The following ATP8A1 variants were observed in gnomAD, a reference collection of about 807,000 sequenced individuals.
ATP8A1 encodes ATPase phospholipid transporting 8A1.
A neutral mutation model predicts 177.7 loss-of-function variants in ATP8A1; 90 were observed. That is an observed-to-expected ratio of 0.51 (90% confidence interval 0.43 to 0.60). The LOEUF (loss-of-function observed/expected upper bound fraction) is 0.60. Ranked by LOEUF, ATP8A1 falls within the 20% of genes least tolerant of loss-of-function variation. ATP8A1 has a pLI of 0.00. For missense variants in ATP8A1, 1,072 were observed against 1,392.8 expected, an observed-to-expected ratio of 0.77 and a Z score of 3.67; for synonymous variants, 493 against 485.9, an observed-to-expected ratio of 1.01 and a Z score of -0.19.
At chr4:42,414,761 G>A in intron 35 of ATP8A1, 43 bp from the exon 36 acceptor site, 2 of 1,486,514 alleles carry the variant, frequency 1.3e-6, no homozygotes, top group South Asian at 2.3e-5. Flanking sequence ...TATCAACTCG[G>A]CAGAGACCCC....
intron 35 of ATP8A1, among the ~76,000 whole-genome samples, chr4:42,420,229 A>G (rs1243431423): frequency 6.6e-6 from 1 of 152,134 alleles, no homozygotes; most frequent in Non-Finnish European, 1.5e-5. Flanking sequence ...ACCTGCCATC[A>G]AGCACGAAGC....
chr4:42,579,828 AC>A lies in ATP8A1; in HGVS notation c.984del (p.Trp328CysfsTer5). 1 of 1,613,568 alleles carries A rather than the reference AC, an allele frequency of 6.2e-7. No individual in the cohort carries two copies. Among genetic ancestry groups the A allele is most frequent in the Non-Finnish European group, 8.5e-7 (1 of 1,179,756 alleles). On this transcript the variant is annotated frameshift_variant, in exon 11 of 37. Transcript: ENST00000381668. LOFTEE classifies it high-confidence loss of function. ...TATTGCTTACAGTTTAGATTGAGAT[AC>A]CAGTCTTTTCCAGAATGCCTTCGAT... ...IWNRRHSGKD[W>X]YLNLNYGGAS... is the part of the protein sequence containing the mutation.
intron 6 of ATP8A1, among the ~76,000 whole-genome samples, chr4:42,599,855 C>A (rs1194226076): frequency 6.6e-6 from 1 of 152,136 alleles, no homozygotes; most frequent in Non-Finnish European, 1.5e-5. Context: ...GATTTTAAAC[C>A]TTCTTCCAGA....
At chr4:42,435,989 T>G (rs554369161) in intron 33 of ATP8A1, among the ~76,000 whole-genome samples, 7 of 152,282 alleles carry the variant, frequency 4.6e-5, no homozygotes, top group African/African-American at 1.7e-4. Flanking sequence ...CCCCCTCAAT[T>G]AGGCAATGGG....
In ATP8A1 at chr4:42,486,818, T is replaced by C. The variant is rs181823859; in HGVS notation, c.2152-1150A>G. ...TACAGTATTCAGTACAATAACAGGC[T>C]ATAAGGGCTTGTAGCCTAGGAGCAA... On this transcript the variant is annotated intron_variant, in intron 24 of 36. Coordinates refer to ENST00000381668, the MANE Select transcript of ATP8A1 (RefSeq NM_006095.2). Among the ~76,000 whole-genome samples the C allele has an allele frequency of 4.8e-3, 737 of 152,292 alleles. 5 individuals carry two copies. Among genetic ancestry groups the C allele is most frequent in the African/African-American group, 0.016 (673 of 41,540 alleles).
intron 5 of ATP8A1, among the ~76,000 whole-genome samples, chr4:42,603,064 T>A (rs532320999): frequency 1.8e-3 from 274 of 151,336 alleles, no homozygotes; most frequent in Non-Finnish European, 2.9e-3. Context: ...TAGTTTTTTT[T>A]AAAAAAAAAC....
At chr4:42,446,951 C>T (rs547658373) in intron 30 of ATP8A1, among the ~76,000 whole-genome samples, 1 of 151,756 alleles carries the variant, frequency 6.6e-6, no homozygotes, top group Non-Finnish European at 1.5e-5. Flanking sequence ...CATTCTGGAT[C>T]GTAATAAAGA....
rs115905734 is a variant in ATP8A1 at position 42,471,529 on chromosome 4, C to T, written c.2325-6453G>A. ...TCAGATAAGTAGTTTAAATAGGGAC[C>T]GTTTCTATTGATGGTGTGTATTTGA... On this transcript the variant is annotated intron_variant, in intron 25 of 36. Coordinates refer to ENST00000381668, the MANE Select transcript of ATP8A1 (RefSeq NM_006095.2). 8.0e-3 allele frequency among the ~76,000 whole-genome samples: 1,218 copies of T among 152,206 alleles called. 18 individuals are homozygous for T. The highest frequency in any genetic ancestry group is 0.028 in the African/African-American group (1,144 of 41,520).
chr4:42,481,548 C>T (rs544603033), intron 25 of ATP8A1, among the ~76,000 whole-genome samples: 2 of 152,324 alleles, frequency 1.3e-5, no homozygotes, highest in South Asian at 2.1e-4. Context: ...ACCAATTATA[C>T]AGACTGTAGG....
chr4:42,605,796 T>C (rs1298976057), intron 5 of ATP8A1, among the ~76,000 whole-genome samples: 1 of 152,234 alleles, frequency 6.6e-6, no homozygotes, highest in Non-Finnish European at 1.5e-5. Context: ...CAATTCATTA[T>C]TGGAGAAATA....
At chr4:42,607,573 T>C (rs2109421372) in intron 5 of ATP8A1, among the ~76,000 whole-genome samples, 1 of 151,814 alleles carries the variant, frequency 6.6e-6, no homozygotes, top group African/African-American at 2.4e-5. Context: ...GCCCAGCCTG[T>C]GATGAGCATT....
intron 13 of ATP8A1, 79 bp downstream of exon 13, chr4:42,575,543 G>T (rs144784681): frequency 2.7e-6 from 3 of 1,111,238 alleles, no homozygotes; most frequent in Middle Eastern, 2.0e-4. Context: ...CCATTCATCT[G>T]CAGTTATCAT....
chr4:42,470,898 C>T (rs1720326962), intron 25 of ATP8A1, among the ~76,000 whole-genome samples: 1 of 152,114 alleles, frequency 6.6e-6, no homozygotes, highest in Non-Finnish European at 1.5e-5. Context: ...TAAGATTTCT[C>T]CTGTGAATAT....
At chr4:42,580,639 G>C (rs999129029) in intron 10 of ATP8A1, among the ~76,000 whole-genome samples, 1 of 152,176 alleles carries the variant, frequency 6.6e-6, no homozygotes, top group African/African-American at 2.4e-5. Flanking sequence ...TTTATAAAAT[G>C]GCTAGTGGTG....
chr4:42,620,832 T>C (rs549425902), intron 4 of ATP8A1, among the ~76,000 whole-genome samples: 1 of 152,322 alleles, frequency 6.6e-6, no homozygotes, highest in South Asian at 2.1e-4. Context: ...GAGCACTGGA[T>C]AGGACGGAAT....
At chr4:42,480,774 GAAGTC>G (rs1346450679) in intron 25 of ATP8A1, among the ~76,000 whole-genome samples, 1 of 152,186 alleles carries the variant, frequency 6.6e-6, no homozygotes, top group African/African-American at 2.4e-5. Context: ...AACACTCACT[GAAGTC>G]AAGTGTTTTT....
intron 1 of ATP8A1, among the ~76,000 whole-genome samples, chr4:42,650,214 A>G (rs1230590514): frequency 6.6e-6 from 1 of 152,262 alleles, no homozygotes; most frequent in Non-Finnish European, 1.5e-5. Flanking sequence ...TAGAAAACCT[A>G]AAATAATCAG....
Position 42,455,353 on chromosome 4 carries a change from ACATGT to A in ATP8A1, c.2756_2760del (p.Asn919IlefsTer5), listed in dbSNP as rs748061806. The A allele has an allele frequency of 6.2e-7, 1 of 1,613,958 alleles. No individual in the cohort carries two copies. Among genetic ancestry groups the A allele is most frequent in the Non-Finnish European group, 8.5e-7 (1 of 1,179,828 alleles). On this transcript the variant is annotated frameshift_variant, in exon 29 of 37. Transcript: ENST00000381668. LOFTEE classifies it high-confidence loss of function. ...GTTTTGTATAATTCAGGGTACTTCA[ACATGT>A]TCTCTTTTCTGCATGATCTCTCAAA...
In ATP8A1 at chr4:42,569,193, T is replaced by C. The variant is rs1470628480; in HGVS notation, c.1308A>G (p.Glu436=). 1.2e-6 allele frequency: 2 copies of C among 1,606,996 alleles called. No individual in the cohort carries two copies. Among genetic ancestry groups the C allele is most frequent in the South Asian group, 1.1e-5 (1 of 90,186 alleles). The change falls in exon 15 of 37, where the codon GAA becomes GAG. Residue 436 remains glutamate (E), a synonymous_variant. Coordinates refer to ENST00000381668, the MANE Select transcript of ATP8A1 (RefSeq NM_006095.2). Reference sequence around the variant, plus strand: ...CAGGAGAGCAGCCATAATCCTCAGGTTCAGGGACATGGCTTCAGAAAGCAA... The same window carrying C: ...CAGGAGAGCAGCCATAATCCTCAGGCTCAGGGACATGGCTTCAGAAAGCAA... ...IAGVAYGHVP[E]PEDYGCSPDE...
Sources: gnomAD v4.1 joint callset for allele counts (sites outside exome capture counted in the v4.1 genomes callset) on GRCh38, gnomAD v4.1.1 for gene constraint, MANE v1.5 for transcripts, NCBI Gene and HGNC (gene_info 2026-07-23, HGNC 2026-07-21) for gene names.